The following NBPF14 variants were observed in gnomAD, a reference collection of about 807,000 sequenced individuals.
NBPF14 encodes the protein NBPF member 14.
Under a neutral mutation model 91.2 loss-of-function variants are expected in NBPF14, and 104 were observed. The ratio of observed to expected loss-of-function variants is 1.14; its 90% confidence interval spans 0.97 to 1.34. The LOEUF is 1.34. Ranked by LOEUF, NBPF14 falls within the 40% of genes most tolerant of loss-of-function variation. The pLI is 0.00. For synonymous variants in NBPF14, 294 were observed against 303.8 expected (o/e 0.97, Z 0.34); for missense variants, 908 against 783.0 (o/e 1.16, Z -1.91).
chr1:148,578,004 T>C (rs1660263243), exon 14 of NBPF14: 1 of 665,870 alleles, frequency 1.5e-6, no homozygotes, highest in Non-Finnish European at 2.7e-6. Flanking sequence ...TGCCTCTTGG[T>C]CCTCCTTTTT....
chr1:148,534,793 A>C, exon 69 of NBPF14: 3 of 909,962 alleles, frequency 3.3e-6, no homozygotes, highest in Admixed American at 1.7e-5. Flanking sequence ...GAGTCGAATA[A>C]CATCTATCCA....
chr1:148,579,312 T>C lies in NBPF14; in HGVS notation c.1638-75A>G. The C allele has an allele frequency of 1.5e-5, 3 of 204,504 alleles. No homozygotes were observed. In the East Asian group the frequency reaches 2.8e-4, roughly 19 times the overall value. The allele number at this position is 204,504 out of a possible 1,614,324, so 12.7% of individuals were successfully genotyped here. On this transcript the variant is annotated intron_variant, in intron 12 of 70. Transcript: ENST00000619423. Reference sequence around the variant, plus strand: ...TTAGACAACAAAACCTCCCAGATGATCTGATGGGAGACAGAATGGAGTGGT... The same window carrying C: ...TTAGACAACAAAACCTCCCAGATGACCTGATGGGAGACAGAATGGAGTGGT...
At position 148,533,851 on chromosome 1, in the gene NBPF14, T is replaced by A. The variant is rs1180338539; in HGVS notation, c.8723+10A>T. The A allele has an allele frequency of 2.6e-6, 2 of 765,298 alleles. No homozygotes were observed. Among genetic ancestry groups the A allele is most frequent in the Non-Finnish European group, 4.8e-6 (2 of 418,228 alleles). 47.4% of individuals were successfully genotyped at this position (765,298 alleles called of 1,614,324 possible). On this transcript the variant is annotated intron_variant, in intron 70 of 70. Coordinates refer to ENST00000619423, the Ensembl canonical transcript of NBPF14. ...CACAGAACTAAGGATCCACAATTGC[T>A]GAAAGTCACCTGGGGCATGGTGGGT...
chr1:148,561,747 T>C (rs1393261277), intron 34 of NBPF14, among the ~76,000 whole-genome samples, 168 bp from the exon 35 acceptor site: 2 of 101,904 alleles, frequency 2.0e-5, no homozygotes, highest in African/African-American at 1.3e-4. Context: ...CAGGGCCAAA[T>C]GGAAAAGAAT....
At chr1:148,589,924 G>T (rs1489098534) in intron 6 of NBPF14, among the ~76,000 whole-genome samples, 1 of 147,846 alleles carries the variant, frequency 6.8e-6, no homozygotes, top group Non-Finnish European at 1.5e-5. Flanking sequence ...TAGAGATGGG[G>T]TTTCGCCATC....
rs1657968218 is a variant in NBPF14 at position 148,562,270 on chromosome 1, C to A, written c.4240G>T (p.Glu1414Ter). Reference sequence around the variant, plus strand: ...GGTGGGTCTTGGTCTTCTTCCTCTTCTTCGTCCTTTTTAATTCCTGCAATA... The same window carrying A: ...GGTGGGTCTTGGTCTTCTTCCTCTTATTCGTCCTTTTTAATTCCTGCAATA... Residue 1414 changes from glutamate to a stop codon, truncating the protein, a stop_gained, in exon 34 of 71, where the codon GAA becomes TAA. Coordinates refer to ENST00000619423, the Ensembl canonical transcript of NBPF14. LOFTEE classifies it high-confidence loss of function. 2 of 165,126 alleles carry A rather than the reference C, an allele frequency of 1.2e-5. No homozygotes were observed. The highest frequency in any genetic ancestry group is 2.1e-5 in the Non-Finnish European group (2 of 94,958). 10.2% of individuals were successfully genotyped at this position (165,126 alleles called of 1,614,324 possible). A position where few individuals can be genotyped will look rare whatever the true frequency, so the allele number is the denominator to read the frequency against.
Position 148,539,413 on chromosome 1 carries a change from C to A in NBPF14, c.7879G>T (p.Asp2627Tyr), listed in dbSNP as rs1655528815. ...ACCTTCACAGTAAGGTACTCACTGT[C>A]CACGTCAAGAGCCAAGCCAAGGTAC... The change falls in exon 63 of 71, where the codon GAC (aspartate) becomes TAC (tyrosine). Residue 2627 changes from aspartate to tyrosine, a missense_variant. By Grantham distance (160) the Asp-to-Tyr change is radical. Around this residue, in one of 13 missense-constraint regions of NBPF14, gnomAD observed 279 missense variants for 107.7 expected, o/e 2.59. Coordinates refer to ENST00000619423, the Ensembl canonical transcript of NBPF14. 2.7e-5 allele frequency: 9 copies of A among 330,974 alleles called. No homozygotes were observed. The Admixed American group carries it at 3.4e-4, about 12-fold the overall frequency. 20.5% of individuals were successfully genotyped at this position (330,974 alleles called of 1,614,324 possible). A position where few individuals can be genotyped will look rare whatever the true frequency, so the allele number is the denominator to read the frequency against.
At chr1:148,590,038 TAC>T (rs1416826616) in intron 6 of NBPF14, among the ~76,000 whole-genome samples, 2 of 122,110 alleles carry the variant, frequency 1.6e-5, no homozygotes, top group East Asian at 2.3e-4. Context: ...GTCAGAGACT[TAC>T]TTTTTTTTTT....
rs1299503272 is a variant in NBPF14, at chr1:148,534,572, C to A, written c.8614+112G>T. 2.5e-5 allele frequency: 20 copies of A among 790,868 alleles called. 3 individuals are homozygous for A. The African/African-American group carries it at 3.3e-4, about 13-fold the overall frequency. The allele number at this position is 790,868 out of a possible 1,614,324, so 49.0% of individuals were successfully genotyped here. Reference sequence around the variant, plus strand: ...TACAACCTATATGCGCCCATAGGTCCTGCCTGCGGCAATGACATCTCTCGG... The same window carrying A: ...TACAACCTATATGCGCCCATAGGTCATGCCTGCGGCAATGACATCTCTCGG... On this transcript the variant is annotated intron_variant, in intron 69 of 70. Transcript: ENST00000619423.
At chr1:148,566,235 C>G in exon 29 of NBPF14, 1 of 605,894 alleles carries the variant, frequency 1.7e-6, no homozygotes, top group Non-Finnish European at 2.9e-6. Flanking sequence ...TTCAAGACAA[C>G]TGGAAGGAGT....
At chr1:148,561,808 C>CAA (rs1489263982) in intron 34 of NBPF14, among the ~76,000 whole-genome samples, 10 of 136,246 alleles carry the variant, frequency 7.3e-5, no homozygotes, top group African/African-American at 3.5e-4. Context: ...CACAAACACA[C>CAA]ACACACACAC....
chr1:148,559,575 C>A (rs1222998613), intron 37 of NBPF14, among the ~76,000 whole-genome samples: 42 of 123,088 alleles, frequency 3.4e-4, no homozygotes, highest in Non-Finnish European at 7.8e-5. Context: ...TAGGGCGCCA[C>A]AGGCATGGCC....
At chr1:148,577,680 G>T (rs1359165230) in intron 14 of NBPF14, among the ~76,000 whole-genome samples, 4 of 147,910 alleles carry the variant, frequency 2.7e-5, no homozygotes, top group Non-Finnish European at 5.9e-5. Flanking sequence ...ACAGTGAACA[G>T]TGATCATGAA....
intron 14 of NBPF14, among the ~76,000 whole-genome samples, 157 bp from the exon 15 acceptor site, chr1:148,577,512 T>C (rs879166636): frequency 1.8e-4 from 27 of 149,812 alleles, no homozygotes; most frequent in African/African-American, 5.0e-4. Context: ...TGGGATAGAC[T>C]ATGGCCAGGT....
intron 3 of NBPF14, 65 bp downstream of exon 3, chr1:148,593,533 C>G (rs1354738091): frequency 3.2e-6 from 4 of 1,260,770 alleles, no homozygotes; most frequent in Non-Finnish European, 4.5e-6. Flanking sequence ...TTCTCCCCGC[C>G]GAGCTGCTGT....
chr1:148,535,200 A>T (rs1654876865), intron 68 of NBPF14, among the ~76,000 whole-genome samples: 1 of 149,836 alleles, frequency 6.7e-6, no homozygotes, highest in South Asian at 2.1e-4. Flanking sequence ...AATTTTCCAT[A>T]AACTTGCTCA....
At chr1:148,577,547 C>T (rs1231825193) in intron 14 of NBPF14, among the ~76,000 whole-genome samples, 192 bp from the exon 15 acceptor site, 1 of 117,948 alleles carries the variant, frequency 8.5e-6, no homozygotes, top group South Asian at 2.3e-4. Flanking sequence ...GAGAAAGACA[C>T]ACACACACAC....
chr1:148,593,353 T>C (rs1446256290), intron 3 of NBPF14, among the ~76,000 whole-genome samples: 2 of 148,734 alleles, frequency 1.3e-5, no homozygotes, highest in African/African-American at 4.9e-5. Flanking sequence ...GAATTTTGTG[T>C]TATGTAAATT....
At chr1:148,565,815 A>G (rs1658164142) in intron 29 of NBPF14, among the ~76,000 whole-genome samples, 1 of 12,942 alleles carries the variant, frequency 7.7e-5, no homozygotes, top group Non-Finnish European at 1.5e-4. Flanking sequence ...TTAGACACTG[A>G]AATTAGAGTG....
Sources: gnomAD v4.1 joint callset for allele counts (sites outside exome capture counted in the v4.1 genomes callset) on GRCh38, gnomAD v4.1.1 for gene constraint, gnomAD v4.1.1 regional missense constraint, MANE v1.5 for transcripts, NCBI Gene and HGNC (gene_info 2026-07-23, HGNC 2026-07-21) for gene names.